ZNF585A: variants seen among roughly 807,000 people sequenced by gnomAD.
ZNF585A encodes the protein zinc finger protein 585A.
A neutral mutation model predicts 14.9 loss-of-function variants in ZNF585A; 9 were observed. The observed-to-expected ratio is 0.60, with a 90% confidence interval of 0.36 to 1.05. The LOEUF is 1.05. ZNF585A is among the 50% of genes least tolerant of loss of function. The probability of loss-of-function intolerance (pLI) is 0.01; values close to 1 mark genes in which losing one functional copy is unlikely to be tolerated. For missense variants in ZNF585A, 726 were observed against 926.4 expected (o/e 0.78, Z 2.81); for synonymous variants, 276 against 319.9 (o/e 0.86, Z 1.46).
At chr19:37,154,560 C>G (rs1971891884) in intron 4 of ZNF585A, among the ~76,000 whole-genome samples, 2 of 151,498 alleles carry the variant, frequency 1.3e-5, no homozygotes, top group Non-Finnish European at 2.9e-5. Flanking sequence ...AAAAACGAAC[C>G]CTGGTCAATG....
At position 37,152,909 on chromosome 19, in the gene ZNF585A, T is replaced by G; in HGVS notation, c.990A>C (p.Glu330Asp). Residue 330 changes from glutamate (E) to aspartate (D), a missense_variant, in exon 5 of 5, where the codon GAA becomes GAC. By Grantham distance (45) the Glu-to-Asp change is conservative (BLOSUM62 2). Around this residue, in one of 2 missense-constraint regions of ZNF585A, gnomAD observed 483 missense variants for 542.8 expected, o/e 0.89. Coordinates refer to ENST00000292841, the MANE Select transcript of ZNF585A (RefSeq NM_001288800.2). ...AATTATTGCTGAAGACCTTCCCATA[T>G]TCGGTACATATATAGGGCTTCACTC... ...HTRVKPYICT[E>D]YGKVFSNNSN... is the part of the protein sequence containing the mutation. 2 of 1,614,240 alleles carry G rather than the reference T, an allele frequency of 1.2e-6. No individual in the cohort carries two copies. The highest frequency in any genetic ancestry group is 1.7e-6 in the Non-Finnish European group (2 of 1,180,046).
At chr19:37,156,024 C>G in intron 3 of ZNF585A, 67 bp from the exon 4 acceptor site, 1 of 1,604,730 alleles carries the variant, frequency 6.2e-7, no homozygotes, top group Non-Finnish European at 8.5e-7. Flanking sequence ...CCAATAATCT[C>G]TTATTCTTTG....
intron 2 of ZNF585A, among the ~76,000 whole-genome samples, chr19:37,160,023 G>A (rs1201563307): frequency 6.6e-6 from 1 of 152,032 alleles, no homozygotes; most frequent in African/African-American, 2.4e-5. Flanking sequence ...AATAATGTAA[G>A]CTTGTACCTC....
chr19:37,163,738 G>C (rs1341577233), intron 2 of ZNF585A, among the ~76,000 whole-genome samples: 4 of 148,988 alleles, frequency 2.7e-5, no homozygotes, highest in East Asian at 3.9e-4. Context: ...TCATAAAGAT[G>C]ACACACACAC....
chr19:37,151,614 C>G lies in ZNF585A; in HGVS notation c.2285G>C (p.Ser762Thr). 6.2e-7 allele frequency: 1 copy of G among 1,613,858 alleles called. No individual in the cohort carries two copies. Among genetic ancestry groups the G allele is most frequent in the Non-Finnish European group, 8.5e-7 (1 of 1,179,832 alleles). Reference sequence around the variant, plus strand: ...TCAAGCGTGGCTGCTCTGATGGACGCTGAACACTGATTTCTGAACGAAGCC... The same window carrying G: ...TCAAGCGTGGCTGCTCTGATGGACGGTGAACACTGATTTCTGAACGAAGCC... ...GKGFVQKSVF[S>T]VHQSSHA The change falls in exon 5 of 5, where the codon AGC becomes ACC. Residue 762 changes from serine (S) to threonine (T), a missense_variant. Ser to Thr is a moderately conservative substitution (Grantham distance 58). Coordinates refer to ENST00000292841, the MANE Select transcript of ZNF585A (RefSeq NM_001288800.2).
intron 2 of ZNF585A, 31 bp downstream of exon 2, chr19:37,169,808 T>C (rs1972152627): frequency 1.2e-6 from 2 of 1,607,190 alleles, no homozygotes; most frequent in African/African-American, 1.3e-5. Flanking sequence ...CTGGATTGAA[T>C]TCCCACCCCC....
intron 4 of ZNF585A, among the ~76,000 whole-genome samples, chr19:37,155,042 C>T (rs1450719732): frequency 1.3e-4 from 20 of 148,564 alleles, no homozygotes; most frequent in Non-Finnish European, 3.0e-5. Context: ...GCTCTGTCGC[C>T]CAGGCTGGAG....
intron 2 of ZNF585A, among the ~76,000 whole-genome samples, chr19:37,167,965 C>G (rs1231753191): frequency 2.6e-5 from 4 of 152,180 alleles, no homozygotes; most frequent in Non-Finnish European, 4.4e-5. Flanking sequence ...TCTTAGAAAA[C>G]AGAATCAGTA....
rs34796636 is a variant in ZNF585A, at chr19:37,148,395, AACACACACAC to A, written c.*3184_*3193del. 2.0e-5 allele frequency: 3 copies of A among 148,796 alleles called. No homozygotes were observed. The highest frequency in any genetic ancestry group is 3.0e-5 in the Non-Finnish European group (2 of 66,970). 9.2% of individuals were successfully genotyped at this position (148,796 alleles called of 1,614,324 possible). ...AAAGGAGATATACATACACGTACAA[AACACACACAC>A]ACACACACACACACACAAGGACTCC... is the stretch of plus-strand genomic sequence containing the variant. On this transcript the variant is annotated 3_prime_UTR_variant, in exon 5 of 5. Coordinates refer to ENST00000292841, the MANE Select transcript of ZNF585A (RefSeq NM_001288800.2).
In ZNF585A at chr19:37,146,734, C is replaced by G. The variant is rs1971748262; in HGVS notation, c.*4855G>C. 3 of 152,766 alleles carry G rather than the reference C, an allele frequency of 2.0e-5. No homozygotes were observed. Among genetic ancestry groups the G allele is most frequent in the African/African-American group, 7.2e-5 (3 of 41,448 alleles). 9.5% of individuals were successfully genotyped at this position (152,766 alleles called of 1,614,324 possible). A position where few individuals can be genotyped will look rare whatever the true frequency, so the allele number is the denominator to read the frequency against. On this transcript the variant is annotated 3_prime_UTR_variant, in exon 5 of 5. Coordinates refer to ENST00000292841, the MANE Select transcript of ZNF585A (RefSeq NM_001288800.2). The stretch of plus-strand genomic sequence containing the variant: ...AGTGGCCCCCTGCCTATGGATCCCC[C>G]ACTCCTGCCCCTTTCCCCCTCTATG...
At position 37,158,860 on chromosome 19, in the gene ZNF585A, A is replaced by G. The variant is rs182378170; in HGVS notation, c.73-2505T>C. 4.6e-5 allele frequency among the ~76,000 whole-genome samples: 7 copies of G among 152,358 alleles called. No individual in the cohort carries two copies. In the East Asian group the frequency reaches 9.6e-4, roughly 21 times the overall value. On this transcript the variant is annotated intron_variant, in intron 2 of 4. Transcript: ENST00000292841. ...AAGGGAATTCATATCTCTCCGAGAT[A>G]CATATCAAGGTATTTTTACACAAAA...
Position 37,152,044 on chromosome 19 carries a change from A to G in ZNF585A, c.1855T>C (p.Ser619Pro). 6.3e-7 allele frequency: 1 copy of G among 1,597,334 alleles called. No individual in the cohort carries two copies. The highest frequency in any genetic ancestry group is 8.5e-7 in the Non-Finnish European group (1 of 1,170,894). Reference protein sequence around the residue: ...SDCGKSFTSKSQLLVHQPVHT... With the variant: ...SDCGKSFTSKPQLLVHQPVHT... The stretch of plus-strand genomic sequence containing the variant: ...ACTGGCTGATGCACCAGGAGCTGAG[A>G]CTTGGAGGTAAAGGACTTCCCACAG... The change falls in exon 5 of 5, where the codon TCT (serine) becomes CCT (proline). Residue 619 changes from serine to proline, a missense_variant. Physicochemically the swap from Ser to Pro is moderately conservative, Grantham distance 74. Coordinates refer to ENST00000292841, the MANE Select transcript of ZNF585A (RefSeq NM_001288800.2).
At chr19:37,165,671 A>C in intron 2 of ZNF585A, 1 of 984,644 alleles carries the variant, frequency 1.0e-6, no homozygotes, top group Non-Finnish European at 1.2e-6. Flanking sequence ...CATAATTTCC[A>C]GTTCTTTCAG....
At chr19:37,166,419 A>T (rs986096427) in intron 2 of ZNF585A, among the ~76,000 whole-genome samples, 1 of 151,376 alleles carries the variant, frequency 6.6e-6, no homozygotes, top group Non-Finnish European at 1.5e-5. Context: ...TCCTGGGTTC[A>T]AGCAATTCTC....
At position 37,153,165 on chromosome 19, in the gene ZNF585A, G is replaced by A. The variant is rs1599746928; in HGVS notation, c.734C>T (p.Thr245Ile). 1.9e-6 allele frequency: 3 copies of A among 1,614,120 alleles called. No individual in the cohort carries two copies. Among genetic ancestry groups the A allele is most frequent in the Middle Eastern group, 1.6e-4 (1 of 6,062 alleles). ...TTGTGTGAATGCTTTGCCACAGTCAGTGCATTCATGGTGTCTCTCTCCAGT... is the reference window on the plus strand; with the variant it reads ...TTGTGTGAATGCTTTGCCACAGTCAATGCATTCATGGTGTCTCTCTCCAGT... ...IHTGERHHEC[T>I]DCGKAFTQKS... Residue 245 changes from threonine (T) to isoleucine (I), a missense_variant, in exon 5 of 5, where the codon ACT becomes ATT. By Grantham distance (89) the Thr-to-Ile change is moderately conservative. This residue lies in a region of ZNF585A where 483 missense variants were observed against 542.8 expected (regional missense o/e 0.89). Transcript: ENST00000292841.
At chr19:37,162,219 C>T (rs886842201) in intron 2 of ZNF585A, among the ~76,000 whole-genome samples, 6 of 152,220 alleles carry the variant, frequency 3.9e-5, no homozygotes, top group East Asian at 1.9e-4. Flanking sequence ...CCACCACGCC[C>T]GGCCTAAAAG....
Position 37,152,997 on chromosome 19 carries a change from C to T in ZNF585A, c.902G>A (p.Ser301Asn), listed in dbSNP as rs748959106. 12 of 1,614,104 alleles carry T rather than the reference C, an allele frequency of 7.4e-6. No individual in the cohort carries two copies. The highest frequency in any genetic ancestry group is 2.2e-5 in the East Asian group (1 of 44,898). ...GGAAATGAAGGATTTGCCACAGTTA[C>T]TGCACTCATATGGTTTTTCTCCAGT... is the stretch of plus-strand genomic sequence containing the variant. ...IHTGEKPYEC[S>N]NCGKSFISKS... is the part of the protein sequence containing the mutation. Residue 301 changes from serine to asparagine, a missense_variant, in exon 5 of 5, where the codon AGT becomes AAT. Around this residue, in one of 2 missense-constraint regions of ZNF585A, gnomAD observed 483 missense variants for 542.8 expected, o/e 0.89. Coordinates refer to ENST00000292841, the MANE Select transcript of ZNF585A (RefSeq NM_001288800.2).
chr19:37,152,498 C>T lies in ZNF585A; in HGVS notation c.1401G>A (p.Met467Ile), dbSNP rs1717065. The change falls in exon 5 of 5, where the codon ATG becomes ATA. Residue 467 changes from methionine (M) to isoleucine (I), a missense_variant. Coordinates refer to ENST00000292841, the MANE Select transcript of ZNF585A (RefSeq NM_001288800.2). ...KRIHTGEKPY[M>I]CNKCGKAFTN... ...TGAATGCCTTCCCACATTTATTGCA[C>T]ATATAGGGCTTTTCTCCTGTGTGAA... The T allele has an allele frequency of 2.4e-5, 39 of 1,613,920 alleles. No individual in the cohort carries two copies. Among genetic ancestry groups the T allele is most frequent in the Middle Eastern group, 1.6e-4 (1 of 6,084 alleles).
rs146470162 is a variant in ZNF585A at position 37,152,673 on chromosome 19, G to A, written c.1226C>T (p.Ser409Leu). Residue 409 changes from serine (S) to leucine (L), a missense_variant, in exon 5 of 5, where the codon TCG (serine) becomes TTG (leucine). This residue lies in a region of ZNF585A where 483 missense variants were observed against 542.8 expected (regional missense o/e 0.89). Coordinates refer to ENST00000292841, the MANE Select transcript of ZNF585A (RefSeq NM_001288800.2). ...CAGTCCACATTTCATGCATATATAC[G>A]ATTTTTCTCCTGTATGAATTCTCTG... ...VHQRIHTGEK[S>L]YICMKCGLAF... is the part of the protein sequence containing the mutation. 5.3e-5 allele frequency: 85 copies of A among 1,613,538 alleles called. No individual in the cohort carries two copies. Among genetic ancestry groups the A allele is most frequent in the Middle Eastern group, 1.6e-4 (1 of 6,082 alleles).
Sources: gnomAD v4.1 joint callset for allele counts (sites outside exome capture counted in the v4.1 genomes callset) on GRCh38, gnomAD v4.1.1 for gene constraint, gnomAD v4.1.1 regional missense constraint, MANE v1.5 for transcripts, NCBI Gene and HGNC (gene_info 2026-07-23, HGNC 2026-07-21) for gene names.